Variants in NRXN3 observed in about 807,000 individuals in gnomAD.
The protein encoded by NRXN3 is neurexin III.
In NRXN3, 32 loss-of-function variants were observed where a neutral mutation model predicts 137.6. The observed-to-expected ratio is 0.23, with a 90% CI of 0.18 to 0.31. NRXN3 has a LOEUF of 0.31. Ranked by LOEUF, NRXN3 falls within the 10% of genes least tolerant of loss-of-function variation. The pLI, the probability that NRXN3 is intolerant of heterozygous loss-of-function variation, is 1.00. For missense variants in NRXN3, 1,574 were observed against 2,062.5 expected (o/e 0.76, Z 4.59); for synonymous variants, 798 against 784.5 (o/e 1.02, Z -0.29).
At chr14:78,673,215 CA>C (rs1284855760) in intron 6 of NRXN3, among the ~76,000 whole-genome samples, 1 of 152,156 alleles carries the variant, frequency 6.6e-6, no homozygotes, top group Non-Finnish European at 1.5e-5. Flanking sequence ...TTGGCAGTGA[CA>C]AAAGACCCCA....
intron 15 of NRXN3, among the ~76,000 whole-genome samples, chr14:79,355,412 G>A (rs1256379513): frequency 6.6e-6 from 1 of 152,098 alleles, no homozygotes. Context: ...GTAAACTCAG[G>A]AGCAGGGATT....
At chr14:78,972,692 C>T (rs747970616) in intron 14 of NRXN3, among the ~76,000 whole-genome samples, 4 of 152,128 alleles carry the variant, frequency 2.6e-5, no homozygotes, top group East Asian at 1.9e-4. Context: ...CTGGTCTGCG[C>T]GTCCCCCTCT....
chr14:78,899,699 G>C (rs1486065650), intron 10 of NRXN3, among the ~76,000 whole-genome samples: 1 of 151,986 alleles, frequency 6.6e-6, no homozygotes, highest in East Asian at 1.9e-4. Flanking sequence ...ATACCATTTT[G>C]CATGTTATAT....
At chr14:78,658,540 A>G (rs1446087856) in intron 6 of NRXN3, among the ~76,000 whole-genome samples, 2 of 152,210 alleles carry the variant, frequency 1.3e-5, no homozygotes, top group African/African-American at 4.8e-5. Context: ...AGAAGTTAGG[A>G]GAGTCCAATG....
At chr14:78,736,943 C>A (rs1334157021) in intron 8 of NRXN3, among the ~76,000 whole-genome samples, 1 of 151,960 alleles carries the variant, frequency 6.6e-6, no homozygotes, top group Non-Finnish European at 1.5e-5. Flanking sequence ...TATATTTTAT[C>A]ATTTCAGAAA....
At chr14:78,735,573 G>A (rs2098537597) in intron 8 of NRXN3, among the ~76,000 whole-genome samples, 1 of 152,080 alleles carries the variant, frequency 6.6e-6, no homozygotes, top group Non-Finnish European at 1.5e-5. Context: ...AAAACAGAAG[G>A]ATGAGCAATT....
At position 78,484,027 on chromosome 14, in the gene NRXN3, CAGAGAGAG is replaced by C. The variant is rs144035954; in HGVS notation, c.758-161078_758-161071del. 7.0e-4 allele frequency among the ~76,000 whole-genome samples: 96 copies of C among 137,164 alleles called. 2 individuals carry two copies. The East Asian group carries it at 0.013, about 19-fold the overall frequency. 90.0% of individuals were successfully genotyped at this position (137,164 alleles called of 152,430 possible). A position where few individuals can be genotyped will look rare whatever the true frequency, so the allele number is the denominator to read the frequency against. ...ACACACACACACACACACACACACA[CAGAGAGAG>C]AGAGAGAGAGAGAGCAAAAAAAGAA... On this transcript the variant is annotated intron_variant, in intron 4 of 20. Coordinates refer to ENST00000335750, the MANE Select transcript of NRXN3 (RefSeq NM_001330195.2).
At chr14:78,917,535 C>T (rs987868168) in intron 10 of NRXN3, among the ~76,000 whole-genome samples, 2 of 152,190 alleles carry the variant, frequency 1.3e-5, no homozygotes, top group African/African-American at 4.8e-5. Context: ...ATTAAGAATT[C>T]TTGTGAGAAG....
At chr14:78,651,436 A>AT in intron 6 of NRXN3, 110 bp downstream of exon 6, 2 of 1,238,556 alleles carry the variant, frequency 1.6e-6, no homozygotes, top group Non-Finnish European at 2.2e-6. Flanking sequence ...GAGATGATAG[A>AT]TTGCAGCAGA....
chr14:79,626,329 C>T (rs1330866494), intron 16 of NRXN3, among the ~76,000 whole-genome samples: 1 of 152,088 alleles, frequency 6.6e-6, no homozygotes, highest in African/African-American at 2.4e-5. Flanking sequence ...CTCCAGATGC[C>T]TAGAGGTATC....
rs1001000868 is a variant in NRXN3, at chr14:78,948,341, A to G, written c.2276-8901A>G. Among the ~76,000 whole-genome samples the G allele has an allele frequency of 2.0e-5, 3 of 152,136 alleles. No homozygotes were observed. In the East Asian group the frequency reaches 5.8e-4, roughly 29 times the overall value. ...TCCCTTCCCCTCCCCATTCTTTGAT[A>G]TTTACCCCTAGGGTATTCTTGCCCT... is the stretch of plus-strand genomic sequence containing the variant. On this transcript the variant is annotated intron_variant, in intron 10 of 20. Transcript: ENST00000335750.
At chr14:78,799,451 C>A (rs2098832072) in intron 8 of NRXN3, among the ~76,000 whole-genome samples, 1 of 152,200 alleles carries the variant, frequency 6.6e-6, no homozygotes, top group African/African-American at 2.4e-5. Context: ...TTGGTGAAAG[C>A]CATTCAACAG....
At chr14:79,409,401 T>A (rs1216738849) in intron 15 of NRXN3, among the ~76,000 whole-genome samples, 2 of 151,104 alleles carry the variant, frequency 1.3e-5, no homozygotes, top group Non-Finnish European at 3.0e-5. Context: ...ATGTATACAT[T>A]ATGTATATAC....
intron 15 of NRXN3, among the ~76,000 whole-genome samples, chr14:78,993,650 G>T (rs183425895): frequency 6.6e-6 from 1 of 152,168 alleles, no homozygotes; most frequent in African/African-American, 2.4e-5. Context: ...ATGAATAAGA[G>T]AGTTTTGTTC....
chr14:79,073,225 T>G (rs1221102215), intron 15 of NRXN3, among the ~76,000 whole-genome samples: 1 of 152,126 alleles, frequency 6.6e-6, no homozygotes, highest in Non-Finnish European at 1.5e-5. Context: ...GTCATGCTAC[T>G]GCAACCAACG....
At chr14:79,760,803 C>A (rs1012686685) in intron 19 of NRXN3, 1 of 151,400 alleles carries the variant, frequency 6.6e-6, no homozygotes, top group Non-Finnish European at 1.5e-5. Context: ...GTGCACCTAC[C>A]GCAAATTAGA....
At chr14:79,714,012 C>G (rs564517417) in intron 19 of NRXN3, among the ~76,000 whole-genome samples, 31 of 152,192 alleles carry the variant, frequency 2.0e-4, no homozygotes, top group African/African-American at 7.5e-4. Flanking sequence ...TCATTTGGCT[C>G]CCAGCTTTAT....
chr14:79,125,639 C>G (rs1387717629), intron 15 of NRXN3, among the ~76,000 whole-genome samples: 2 of 152,190 alleles, frequency 1.3e-5, no homozygotes. Flanking sequence ...CATCTTGCAA[C>G]AAGATTGTCA....
intron 15 of NRXN3, among the ~76,000 whole-genome samples, chr14:79,116,152 A>G (rs1315596770): frequency 6.6e-6 from 1 of 152,226 alleles, no homozygotes; most frequent in African/African-American, 2.4e-5. Context: ...GGTCTTCTTG[A>G]ATCACTAGAC....
Sources: allele counts gnomAD v4.1 joint callset (sites outside exome capture counted in the v4.1 genomes callset), GRCh38; gene constraint gnomAD v4.1.1; transcripts MANE v1.5; gene names NCBI Gene and HGNC (gene_info 2026-07-23, HGNC 2026-07-21).